Variants in EHF observed in about 807,000 individuals in gnomAD.
EHF encodes ESE3 transcription factor.
In EHF, 14 loss-of-function variants were observed where a neutral mutation model predicts 45.1. The ratio of observed to expected loss-of-function variants is 0.31; its 90% CI spans 0.21 to 0.49. The LOEUF is 0.49. EHF is among the 20% of genes least tolerant of loss of function. EHF has a pLI of 0.99. For synonymous variants in EHF, 136 were observed against 131.8 expected (o/e 1.03, Z -0.22); for missense variants, 282 against 371.4 (o/e 0.76, Z 1.98).
At chr11:34,628,365 A>G (rs1051307885) in intron 1 of EHF, among the ~76,000 whole-genome samples, 8 of 152,202 alleles carry the variant, frequency 5.3e-5, no homozygotes, top group African/African-American at 1.9e-4. Flanking sequence ...ATCTTATAAT[A>G]TTTTAATTTG....
chr11:34,632,316 G>A lies in EHF; in HGVS notation c.-3-10312G>A. 6 of 532,354 alleles carry A rather than the reference G, an allele frequency of 1.1e-5. No homozygotes were observed. The South Asian group carries it at 1.4e-4, about 12-fold the overall frequency. The allele number at this position is 532,354 out of a possible 1,614,324, so 33.0% of individuals were successfully genotyped here. On this transcript the variant is annotated intron_variant, in intron 1 of 8. Transcript: ENST00000257831. ...TGAAAAGGTAGGGCTTATACCCTCTGGGAGGTATTCAGAAGATAACAGAAG... is the reference window on the plus strand; with the variant it reads ...TGAAAAGGTAGGGCTTATACCCTCTAGGAGGTATTCAGAAGATAACAGAAG...
At chr11:34,649,214 C>T in intron 4 of EHF, 133 bp downstream of exon 4, 2 of 826,880 alleles carry the variant, frequency 2.4e-6, no homozygotes, top group East Asian at 2.6e-5. Context: ...CTGGCTGTCT[C>T]TGATGGGCCA....
intron 1 of EHF, among the ~76,000 whole-genome samples, chr11:34,627,157 G>T (rs965388563): frequency 4.0e-5 from 6 of 150,670 alleles, no homozygotes; most frequent in African/African-American, 1.5e-4. Flanking sequence ...GATCAACATT[G>T]GTTCTTCACT....
chr11:34,647,044 C>CA (rs201974574), intron 3 of EHF: 4,095 of 156,044 alleles, frequency 0.026, 2 homozygotes, highest in East Asian at 0.031. Context: ...ATCATGGTTA[C>CA]AAAAAAAAAA....
Position 34,656,951 on chromosome 11 carries a change from G to A in EHF, c.588G>A (p.Lys196=), listed in dbSNP as rs143053590. ...AAAAGGAGCAAGACCCCCCTGCCAA[G>A]TGCCACACCAAAAAGCACAGTAAGT... ...DMKKEQDPPA[K]CHTKKHNPRG... Residue 196 remains lysine (K), a synonymous_variant, in exon 7 of 9, where the codon AAG becomes AAA. Transcript: ENST00000257831. 9 of 1,613,548 alleles carry A rather than the reference G, an allele frequency of 5.6e-6. No individual in the cohort carries two copies. Among genetic ancestry groups the A allele is most frequent in the Admixed American group, 1.7e-5 (1 of 59,962 alleles).
In EHF at chr11:34,658,566, G is replaced by A. The variant is rs759142735; in HGVS notation, c.641G>A (p.Arg214His). Residue 214 changes from arginine to histidine, a missense_variant, in exon 8 of 9, where the codon CGC (arginine) becomes CAC (histidine). Around this residue, in one of 3 missense-constraint regions of EHF, gnomAD observed 41 missense variants for 87.0 expected, o/e 0.47. Coordinates refer to ENST00000257831, the MANE Select transcript of EHF (RefSeq NM_012153.6). ...GGGACTCACTTATGGGAATTCATCC[G>A]CGACATCCTCTTGAACCCAGACAAG... Reference protein sequence around the residue: ...PRGTHLWEFIRDILLNPDKNP... With the variant: ...PRGTHLWEFIHDILLNPDKNP... The A allele has an allele frequency of 1.9e-6, 3 of 1,613,438 alleles. No individual in the cohort carries two copies. The highest frequency in any genetic ancestry group is 1.1e-5 in the South Asian group (1 of 91,038).
At position 34,646,451 on chromosome 11, in the gene EHF, T is replaced by G. The variant is rs1287262359; in HGVS notation, c.110T>G (p.Phe37Cys). Residue 37 changes from phenylalanine (F) to cysteine (C), a missense_variant, in exon 3 of 9, where the codon TTT (phenylalanine) becomes TGT (cysteine). Phe to Cys is a radical substitution (Grantham distance 205, BLOSUM62 -2). Transcript: ENST00000257831. The part of the protein sequence containing the change: ...SYSTCNVSSG[F>C]FGGQWHEIHP... ...TCCTGTTTTGCAGTTTCCAGTGGGT[T>G]TTTTGGAGGCCAGTGGCATGAAATT... 6.2e-7 allele frequency: 1 copy of G among 1,614,056 alleles called. No individual in the cohort carries two copies. Among genetic ancestry groups the G allele is most frequent in the Admixed American group, 1.7e-5 (1 of 60,004 alleles).
In EHF at chr11:34,642,487, C is replaced by T. The variant is rs147733710; in HGVS notation, c.-3-141C>T. On this transcript the variant is annotated intron_variant, in intron 1 of 8. Coordinates refer to ENST00000257831, the MANE Select transcript of EHF (RefSeq NM_012153.6). ...CTGTGAGTTTTGCTTTTACAAAAAA[C>T]GCTTTGGCAATGGGTGGCAGGCAAT... 270 of 569,004 alleles carry T rather than the reference C, an allele frequency of 4.7e-4. 4 individuals are homozygous for T. In the East Asian group the frequency reaches 6.1e-3, roughly 13 times the overall value. The allele number at this position is 569,004 out of a possible 1,614,324, so 35.2% of individuals were successfully genotyped here.
chr11:34,642,939 A>G (rs1854152401), intron 2 of EHF, among the ~76,000 whole-genome samples: 1 of 152,172 alleles, frequency 6.6e-6, no homozygotes, highest in South Asian at 2.1e-4. Flanking sequence ...CTCCTCCCAA[A>G]ATTCAAGGTT....
At chr11:34,653,308 A>G (rs1315047970) in intron 6 of EHF, among the ~76,000 whole-genome samples, 1 of 152,086 alleles carries the variant, frequency 6.6e-6, no homozygotes, top group East Asian at 1.9e-4. Flanking sequence ...AAACAAAAAC[A>G]TCATAGTTAC....
At chr11:34,654,468 A>G (rs1350987990) in intron 6 of EHF, among the ~76,000 whole-genome samples, 1 of 152,238 alleles carries the variant, frequency 6.6e-6, no homozygotes, top group East Asian at 1.9e-4. Context: ...TGCAACAGGC[A>G]GAGAGGTCTG....
At chr11:34,640,493 G>T (rs550284301) in intron 1 of EHF, among the ~76,000 whole-genome samples, 11 of 152,270 alleles carry the variant, frequency 7.2e-5, no homozygotes, top group African/African-American at 1.9e-4. Flanking sequence ...TTGAGCAAAT[G>T]CTAGCAAGGA....
At chr11:34,641,724 G>A (rs1475554860) in intron 1 of EHF, among the ~76,000 whole-genome samples, 1 of 152,206 alleles carries the variant, frequency 6.6e-6, no homozygotes, top group African/African-American at 2.4e-5. Flanking sequence ...GTTCTGAAAG[G>A]TGGAGGGTGC....
In EHF at chr11:34,621,176, CT is replaced by C; in HGVS notation, c.-55del. 1 of 152,358 alleles carries C rather than the reference CT, an allele frequency of 6.6e-6. No individual in the cohort carries two copies. The highest frequency in any genetic ancestry group is 1.9e-4 in the East Asian group (1 of 5,192). The allele number at this position is 152,358 out of a possible 1,614,324, so 9.4% of individuals were successfully genotyped here. A position where few individuals can be genotyped will look rare whatever the true frequency, so the allele number is the denominator to read the frequency against. ...GTGAGATTGCAGCCTGCTGCCTCCC[CT>C]CCAACAGCCACAGCTATTGGATTTC... is the stretch of plus-strand genomic sequence containing the variant. On this transcript the variant is annotated 5_prime_UTR_variant, in exon 1 of 9. Transcript: ENST00000257831.
chr11:34,657,137 C>A (rs1855748170), intron 7 of EHF, among the ~76,000 whole-genome samples, 167 bp downstream of exon 7: 1 of 152,150 alleles, frequency 6.6e-6, no homozygotes, highest in Admixed American at 6.6e-5. Flanking sequence ...GCAAAGTAAG[C>A]CCCCTCTGCA....
At chr11:34,638,060 C>G (rs968954630) in intron 1 of EHF, among the ~76,000 whole-genome samples, 1 of 152,110 alleles carries the variant, frequency 6.6e-6, no homozygotes, top group South Asian at 2.1e-4. Flanking sequence ...CACCACCACA[C>G]CCAGCTAATT....
At chr11:34,641,992 T>A (rs1037091468) in intron 1 of EHF, 2 of 151,988 alleles carry the variant, frequency 1.3e-5, no homozygotes, top group South Asian at 2.1e-4. Flanking sequence ...AAAGGAAAAA[T>A]TTTTTTCTTT....
intron 1 of EHF, among the ~76,000 whole-genome samples, chr11:34,627,650 T>C (rs981882348): frequency 6.6e-6 from 1 of 152,176 alleles, no homozygotes; most frequent in Admixed American, 6.5e-5. Context: ...TAGAGCCTAT[T>C]TGAATTGAAC....
chr11:34,648,889 T>C, intron 3 of EHF, 130 bp from the exon 4 acceptor site: 1 of 829,378 alleles, frequency 1.2e-6, no homozygotes, highest in Non-Finnish European at 1.9e-6. Context: ...CCACCTCCCA[T>C]AAACAAACAT....
Sources: gnomAD v4.1 joint callset for allele counts (sites outside exome capture counted in the v4.1 genomes callset) on GRCh38, gnomAD v4.1.1 for gene constraint, gnomAD v4.1.1 regional missense constraint, MANE v1.5 for transcripts, NCBI Gene and HGNC (gene_info 2026-07-23, HGNC 2026-07-21) for gene names.